The following KCNK4 variants were observed in gnomAD, a reference collection of about 807,000 sequenced individuals.
KCNK4 encodes the protein potassium two pore domain channel subfamily K member 4, also known as potassium channel subfamily K member 4.
KCNK4 carries 22 observed loss-of-function variants against 28.8 expected under a neutral mutation model. The ratio of observed to expected loss-of-function variants is 0.76; its 90% CI spans 0.55 to 1.09. KCNK4 has a LOEUF of 1.09. KCNK4 is among the 50% of genes least tolerant of loss of function. The probability of loss-of-function intolerance (pLI) is 0.00; values close to 1 mark genes in which losing one functional copy is unlikely to be tolerated. For synonymous variants in KCNK4, 263 were observed against 252.9 expected (o/e 1.04, Z -0.38); for missense variants, 483 against 546.3 (o/e 0.88, Z 1.15).
Position 64,299,846 on chromosome 11 carries a change from T to C in KCNK4, c.*120T>C. 4.6e-6 allele frequency: 7 copies of C among 1,524,528 alleles called. No individual in the cohort carries two copies. Among genetic ancestry groups the C allele is most frequent in the Non-Finnish European group, 4.4e-6 (5 of 1,137,228 alleles). 94.4% of individuals were successfully genotyped at this position (1,524,528 alleles called of 1,614,324 possible). A position where few individuals can be genotyped will look rare whatever the true frequency, so the allele number is the denominator to read the frequency against. On this transcript the variant is annotated 3_prime_UTR_variant, in exon 7 of 7. Coordinates refer to ENST00000422670, the MANE Select transcript of KCNK4 (RefSeq NM_033310.3). ...CTGAAGTCTGGGGAGGAGGCTACAG[T>C]TGCCTCTCCGCCTCCTCCCTGGCCC...
At chr11:64,296,721 T>A in intron 2 of KCNK4, 157 bp from the exon 3 acceptor site, 1 of 595,454 alleles carries the variant, frequency 1.7e-6, no homozygotes, top group Non-Finnish European at 2.6e-6. Flanking sequence ...ACCCAGTTTG[T>A]ATCTTCTGCT....
At chr11:64,296,298 C>G (rs772042528) in intron 2 of KCNK4, among the ~76,000 whole-genome samples, 11 of 152,016 alleles carry the variant, frequency 7.2e-5, no homozygotes, top group Non-Finnish European at 1.3e-4. Flanking sequence ...TATAAACCTT[C>G]CTGGAGAGAA....
In KCNK4 at chr11:64,299,690, C is replaced by G. The variant is rs763304217; in HGVS notation, c.1146C>G (p.Gly382=). Residue 382 remains glycine, a synonymous_variant, in exon 7 of 7, where the codon GGC becomes GGG. Coordinates refer to ENST00000422670, the MANE Select transcript of KCNK4 (RefSeq NM_033310.3). ...NPPRKPVRPR[G]PGRPRDKGVP... is the part of the protein sequence containing the mutation. ...CCAGGAAGCCCGTGCGGCCCCGCGG[C>G]CCCGGGCGTCCCCGAGACAAAGGCG... 16 of 1,566,404 alleles carry G rather than the reference C, an allele frequency of 1.0e-5. No homozygotes were observed. The highest frequency in any genetic ancestry group is 1.3e-5 in the African/African-American group (1 of 74,244).
rs571383808 is a variant in KCNK4, at chr11:64,297,226, C to G, written c.421C>G (p.Arg141Gly). The G allele has an allele frequency of 5.6e-6, 9 of 1,613,878 alleles. No homozygotes were observed. Among genetic ancestry groups the G allele is most frequent in the Non-Finnish European group, 7.6e-6 (9 of 1,180,006 alleles). Residue 141 changes from arginine (R) to glycine (G), a missense_variant, in exon 4 of 7, where the codon CGG (arginine) becomes GGG (glycine). Coordinates refer to ENST00000422670, the MANE Select transcript of KCNK4 (RefSeq NM_033310.3). The part of the protein sequence containing the change: ...FGILLAGVGD[R>G]LGSSLRHGIG... ...GATCCTACTGGCAGGGGTCGGGGACCGGCTGGGCTCCTCCCTGCGCCATGG... is the reference window on the plus strand; with the variant it reads ...GATCCTACTGGCAGGGGTCGGGGACGGGCTGGGCTCCTCCCTGCGCCATGG...
intron 2 of KCNK4, chr11:64,296,015 C>T (rs1433551362): frequency 1.3e-5 from 2 of 152,266 alleles, no homozygotes; most frequent in Admixed American, 6.5e-5. Flanking sequence ...AGGGACATTA[C>T]ATTCATTTAA....
At chr11:64,295,465 T>A (rs919840462) in intron 2 of KCNK4, among the ~76,000 whole-genome samples, 1 of 152,200 alleles carries the variant, frequency 6.6e-6, no homozygotes, top group Non-Finnish European at 1.5e-5. Context: ...TGCCTAGTCA[T>A]TTGAAGCAAA....
chr11:64,296,753 G>A, intron 2 of KCNK4, 125 bp from the exon 3 acceptor site: 2 of 1,013,960 alleles, frequency 2.0e-6, no homozygotes, highest in Non-Finnish European at 2.7e-6. Flanking sequence ...CCTCCTGGGA[G>A]ACCAAAGGGA....
chr11:64,295,150 T>C (rs1209261257), intron 2 of KCNK4, among the ~76,000 whole-genome samples: 3 of 152,160 alleles, frequency 2.0e-5, no homozygotes, highest in Non-Finnish European at 4.4e-5. Flanking sequence ...GGGTCTGCCT[T>C]GGAGGGTGTC....
At position 64,299,381 on chromosome 11, in the gene KCNK4, T is replaced by C. The variant is rs972153727; in HGVS notation, c.837T>C (p.Thr279=). The stretch of plus-strand genomic sequence containing the variant: ...TCACGGCTCAGGCTGCCAGCTGGAC[T>C]GGCACGGTGACAGCGCGCGTGACCC... ...GGLTAQAASW[T]GTVTARVTQR... is the part of the protein sequence containing the mutation. The change falls in exon 7 of 7, where the codon ACT becomes ACC. Residue 279 remains threonine (T), a synonymous_variant. Coordinates refer to ENST00000422670, the MANE Select transcript of KCNK4 (RefSeq NM_033310.3). 1.9e-6 allele frequency: 3 copies of C among 1,575,590 alleles called. No homozygotes were observed. The African/African-American group carries it at 4.1e-5, about 22-fold the overall frequency.
chr11:64,293,959 G>A (rs1302191856), intron 2 of KCNK4, among the ~76,000 whole-genome samples: 1 of 152,066 alleles, frequency 6.6e-6, no homozygotes, highest in East Asian at 1.9e-4. Context: ...GCTAAATCTG[G>A]CAACCCTACC....
At chr11:64,294,169 G>C (rs191083781) in intron 2 of KCNK4, among the ~76,000 whole-genome samples, 24 of 152,208 alleles carry the variant, frequency 1.6e-4, no homozygotes, top group African/African-American at 5.5e-4. Context: ...TGGGGAGAAG[G>C]GGGGGTGCGT....
chr11:64,293,070 G>T lies in KCNK4; in HGVS notation c.52G>T (p.Val18Leu). Reference protein sequence around the residue: ...ALLALVLLYLVSGALVFRALE... With the variant: ...ALLALVLLYLLSGALVFRALE... ...GCTGGCGCTGGTCTTGCTTTACTTG[G>T]TGTCTGGTGCCCTGGTGTTCCGGGC... The change falls in exon 2 of 7, where the codon GTG (valine) becomes TTG (leucine). Residue 18 changes from valine (V) to leucine (L), a missense_variant. Coordinates refer to ENST00000422670, the MANE Select transcript of KCNK4 (RefSeq NM_033310.3). The T allele has an allele frequency of 6.5e-7, 1 of 1,549,172 alleles. No homozygotes were observed. The highest frequency in any genetic ancestry group is 8.7e-7 in the Non-Finnish European group (1 of 1,146,194).
chr11:64,292,874 G>C (rs954521219), intron 1 of KCNK4, 68 bp from the exon 2 acceptor site: 1 of 1,413,664 alleles, frequency 7.1e-7, no homozygotes, highest in African/African-American at 1.5e-5. Context: ...GGTGTGTAGG[G>C]GATAGAGGAG....
At chr11:64,296,493 C>T (rs1042857949) in intron 2 of KCNK4, among the ~76,000 whole-genome samples, 1 of 152,082 alleles carries the variant, frequency 6.6e-6, no homozygotes, top group South Asian at 2.1e-4. Context: ...GATGCTGTCA[C>T]TATCCTTCCC....
At chr11:64,292,136 G>C (rs953231640) in intron 1 of KCNK4, 9 of 982,426 alleles carry the variant, frequency 9.2e-6, no homozygotes, top group Non-Finnish European at 1.1e-5. Flanking sequence ...CGTGCAGCGG[G>C]GCGGCGCGGC....
intron 2 of KCNK4, among the ~76,000 whole-genome samples, chr11:64,293,717 C>T (rs2034697330): frequency 2.0e-5 from 3 of 152,118 alleles, no homozygotes; most frequent in African/African-American, 7.2e-5. Flanking sequence ...TCTCCTGCCT[C>T]AGCCTCCCAA....
chr11:64,297,347 C>T (rs1457365095), intron 4 of KCNK4, 68 bp downstream of exon 4: 4 of 1,576,020 alleles, frequency 2.5e-6, no homozygotes, highest in East Asian at 2.2e-5. Flanking sequence ...GTCCCTGGCA[C>T]ATGAGCGCGC....
intron 2 of KCNK4, among the ~76,000 whole-genome samples, chr11:64,296,445 C>G (rs1461703129): frequency 2.0e-5 from 3 of 151,922 alleles, no homozygotes; most frequent in African/African-American, 7.3e-5. Flanking sequence ...ACAGTCAGTG[C>G]TTACTTTGTT....
rs1309829908 is a variant in KCNK4, at chr11:64,300,018, G to T, written c.*292G>T. ...GAAAACGGTCTGCACCGCTGCGGGC[G>T]TGACGCTCCCGGACGCGAGTGGGTG... On this transcript the variant is annotated 3_prime_UTR_variant, in exon 7 of 7. Transcript: ENST00000422670. 1 of 622,938 alleles carries T rather than the reference G, an allele frequency of 1.6e-6. No individual in the cohort carries two copies. The highest frequency in any genetic ancestry group is 1.8e-5 in the African/African-American group (1 of 54,190). 38.6% of individuals were successfully genotyped at this position (622,938 alleles called of 1,614,324 possible).
Sources: gnomAD v4.1 joint callset for allele counts (sites outside exome capture counted in the v4.1 genomes callset) on GRCh38, gnomAD v4.1.1 for gene constraint, MANE v1.5 for transcripts, NCBI Gene and HGNC (gene_info 2026-07-23, HGNC 2026-07-21) for gene names.